CTNNBL1: variants seen among roughly 807,000 people sequenced by gnomAD.
CTNNBL1 encodes beta-catenin-like protein 1.
In CTNNBL1, 31 loss-of-function variants were observed where a neutral mutation model predicts 72.7. That is an observed-to-expected ratio of 0.43 (90% confidence interval 0.32 to 0.58). The LOEUF (loss-of-function observed/expected upper bound fraction) is 0.58, where lower values mean the gene tolerates loss of function less well. CTNNBL1 is among the 20% of genes least tolerant of loss of function. The pLI, the probability that CTNNBL1 is intolerant of heterozygous loss-of-function variation, is 0.08. For synonymous variants in CTNNBL1, 240 were observed against 267.3 expected (o/e 0.90, Z 1.00); for missense variants, 534 against 725.1 (o/e 0.74, Z 3.03).
At chr20:37,732,842 T>C in intron 1 of CTNNBL1, 37 bp from the exon 2 acceptor site, 1 of 1,598,306 alleles carries the variant, frequency 6.3e-7, no homozygotes, top group Non-Finnish European at 8.5e-7. Flanking sequence ...TTCTATGTTG[T>C]ATCCAGCTCT....
At chr20:37,759,454 C>G (rs1008761448) in intron 5 of CTNNBL1, among the ~76,000 whole-genome samples, 5 of 152,106 alleles carry the variant, frequency 3.3e-5, no homozygotes, top group African/African-American at 9.7e-5. Flanking sequence ...TACCCAGAAA[C>G]AGCAATTCAC....
intron 2 of CTNNBL1, among the ~76,000 whole-genome samples, chr20:37,736,635 G>A (rs1424484023): frequency 2.6e-5 from 4 of 151,950 alleles, no homozygotes; most frequent in Non-Finnish European, 4.4e-5. Flanking sequence ...CTGCTTCCCA[G>A]GTTCAAGTGA....
At chr20:37,867,654 C>T (rs1214347854) in intron 15 of CTNNBL1, among the ~76,000 whole-genome samples, 1 of 152,062 alleles carries the variant, frequency 6.6e-6, no homozygotes, top group East Asian at 1.9e-4. Flanking sequence ...TCATCCTTTT[C>T]TCCCTCTCCC....
intron 1 of CTNNBL1, among the ~76,000 whole-genome samples, chr20:37,696,048 G>A (rs887921201): frequency 6.6e-6 from 1 of 152,278 alleles, no homozygotes. Context: ...ATTGTATGCC[G>A]GCTTGGAATT....
chr20:37,694,289 C>T (rs776783236), intron 1 of CTNNBL1, 137 bp downstream of exon 1: 10 of 717,648 alleles, frequency 1.4e-5, no homozygotes, highest in Non-Finnish European at 2.2e-5. Context: ...GGTCTCAGCC[C>T]CTCGTTTTAC....
chr20:37,759,716 T>A (rs2073397916), intron 5 of CTNNBL1, among the ~76,000 whole-genome samples: 2 of 152,190 alleles, frequency 1.3e-5, no homozygotes, highest in Non-Finnish European at 2.9e-5. Flanking sequence ...TGAACATTCC[T>A]GGACTCCAGT....
At chr20:37,848,542 CAG>C (rs1207138709) in intron 13 of CTNNBL1, among the ~76,000 whole-genome samples, 2 of 152,144 alleles carry the variant, frequency 1.3e-5, no homozygotes, top group African/African-American at 4.8e-5. Flanking sequence ...AAACTTGTGA[CAG>C]GGGGCCTGGG....
intron 10 of CTNNBL1, among the ~76,000 whole-genome samples, chr20:37,795,947 G>T (rs2073770371): frequency 1.4e-5 from 2 of 146,348 alleles, no homozygotes; most frequent in African/African-American, 2.5e-5. Context: ...TAAATGTTCT[G>T]GAGCTTTGTT....
chr20:37,820,151 A>G (rs1013029779), intron 11 of CTNNBL1, among the ~76,000 whole-genome samples: 4 of 152,146 alleles, frequency 2.6e-5, no homozygotes, highest in African/African-American at 9.7e-5. Flanking sequence ...TGCTGGGATT[A>G]CAGGCATGAG....
chr20:37,857,641 T>C (rs1243260269), intron 13 of CTNNBL1, among the ~76,000 whole-genome samples: 2 of 152,226 alleles, frequency 1.3e-5, no homozygotes, highest in Non-Finnish European at 2.9e-5. Context: ...TGAAGGATTC[T>C]CGGTGGAGAT....
intron 5 of CTNNBL1, among the ~76,000 whole-genome samples, chr20:37,758,380 C>T (rs963082584): frequency 1.3e-5 from 2 of 152,336 alleles, no homozygotes; most frequent in East Asian, 1.9e-4. Flanking sequence ...GTCTGTGAGG[C>T]GCAGCTGTGA....
intron 10 of CTNNBL1, among the ~76,000 whole-genome samples, chr20:37,781,405 T>A (rs2073624433): frequency 6.6e-6 from 1 of 152,150 alleles, no homozygotes; most frequent in South Asian, 2.1e-4. Flanking sequence ...GGGAGCTGAA[T>A]AAATAACCAG....
chr20:37,699,667 G>A (rs1346805598), intron 1 of CTNNBL1, among the ~76,000 whole-genome samples: 1 of 152,160 alleles, frequency 6.6e-6, no homozygotes, highest in African/African-American at 2.4e-5. Context: ...GCTTCTCAGG[G>A]ACATAAGGGA....
At chr20:37,779,144 A>T (rs994830507) in intron 9 of CTNNBL1, 43 bp from the exon 10 acceptor site, 1 of 1,603,588 alleles carries the variant, frequency 6.2e-7, no homozygotes, top group Non-Finnish European at 8.5e-7. Context: ...ATGAAAAGAC[A>T]TTCTCTTATA....
At chr20:37,835,527 A>G (rs2072246333) in intron 11 of CTNNBL1, among the ~76,000 whole-genome samples, 2 of 152,224 alleles carry the variant, frequency 1.3e-5, no homozygotes, top group South Asian at 4.1e-4. Flanking sequence ...AGATGCTCAT[A>G]TATATACTAA....
rs1225610177 is a variant in CTNNBL1, at chr20:37,838,688, C to T, written c.1214-1414C>T. On this transcript the variant is annotated intron_variant, in intron 11 of 15. Transcript: ENST00000361383. The stretch of plus-strand genomic sequence containing the variant: ...GGATTGCTTGAGGCCAGGAGTTCAA[C>T]ACCAACCTGGGTAACATGGCTAAAC... Among the ~76,000 whole-genome samples, 3 of 152,102 alleles carry T rather than the reference C, an allele frequency of 2.0e-5. No homozygotes were observed. The East Asian group carries it at 5.8e-4, about 29-fold the overall frequency.
chr20:37,736,295 A>G (rs1568756975), intron 2 of CTNNBL1, among the ~76,000 whole-genome samples: 1 of 152,204 alleles, frequency 6.6e-6, no homozygotes, highest in Non-Finnish European at 1.5e-5. Context: ...GTGGAAAAAC[A>G]GGCAGTAGGT....
At chr20:37,699,214 A>G (rs2072819040) in intron 1 of CTNNBL1, among the ~76,000 whole-genome samples, 1 of 152,216 alleles carries the variant, frequency 6.6e-6, no homozygotes, top group Admixed American at 6.5e-5. Context: ...GAGGTACAGA[A>G]AAGAGCACCT....
At chr20:37,822,584 C>G (rs1161176117) in intron 11 of CTNNBL1, among the ~76,000 whole-genome samples, 1 of 152,214 alleles carries the variant, frequency 6.6e-6, no homozygotes, top group Non-Finnish European at 1.5e-5. Context: ...TCTCACAACT[C>G]ATTCTGCTAA....
Sources: allele counts gnomAD v4.1 joint callset (sites outside exome capture counted in the v4.1 genomes callset), GRCh38; gene constraint gnomAD v4.1.1; transcripts MANE v1.5; gene names NCBI Gene and HGNC (gene_info 2026-07-23, HGNC 2026-07-21).